Variants in HSPA12A observed in about 807,000 individuals in gnomAD.
HSPA12A encodes heat shock 70 kDa protein 12A.
In HSPA12A, 28 loss-of-function variants were observed where a neutral mutation model predicts 69.2. The ratio of observed to expected loss-of-function variants is 0.40; its 90% CI spans 0.30 to 0.55. HSPA12A has a LOEUF of 0.55. HSPA12A is among the 20% of genes least tolerant of loss of function. The pLI is 0.38. For missense variants in HSPA12A, 686 were observed against 900.7 expected (o/e 0.76, Z 3.05); for synonymous variants, 345 against 370.5 (o/e 0.93, Z 0.79).
At chr10:116,713,031 C>G (rs1850489613) in intron 1 of HSPA12A, among the ~76,000 whole-genome samples, 1 of 88,466 alleles carries the variant, frequency 1.1e-5, no homozygotes. Flanking sequence ...TTTTTCCCTG[C>G]TGGCTGTCAG....
At chr10:116,765,918 G>A (rs902939041) in intron 2 of HSPA12A, among the ~76,000 whole-genome samples, 3 of 152,130 alleles carry the variant, frequency 2.0e-5, no homozygotes, top group Non-Finnish European at 4.4e-5. Context: ...TTTCCTCTTT[G>A]CAACCTGGTA....
chr10:116,792,485 A>T (rs1177556485), intron 2 of HSPA12A, among the ~76,000 whole-genome samples: 1 of 151,946 alleles, frequency 6.6e-6, no homozygotes, highest in African/African-American at 2.4e-5. Context: ...AGAAAAAATA[A>T]AAATAAATCA....
In HSPA12A at chr10:116,706,196, C is replaced by CT. The variant is rs5788187; in HGVS notation, c.127-919dup. Among the ~76,000 whole-genome samples the CT allele has an allele frequency of 1.2e-3, 180 of 146,426 alleles. 1 individual carries two copies. The East Asian group carries it at 0.024, about 20-fold the overall frequency. Reference sequence around the variant, plus strand: ...AGGCGTGAGCCACCACGCCTGGCCTCTTTTTTTTTTTTTAAGCAGTTTACA... The same window carrying CT: ...AGGCGTGAGCCACCACGCCTGGCCTCTTTTTTTTTTTTTTAAGCAGTTTACA... On this transcript the variant is annotated intron_variant, in intron 2 of 11. Coordinates refer to ENST00000369209, the MANE Select transcript of HSPA12A (RefSeq NM_025015.3).
At chr10:116,678,942 T>C (rs1849321323) in intron 10 of HSPA12A, among the ~76,000 whole-genome samples, 1 of 152,180 alleles carries the variant, frequency 6.6e-6, no homozygotes, top group Non-Finnish European at 1.5e-5. Context: ...GGATATTATA[T>C]ATATAAATTT....
intron 1 of HSPA12A, among the ~76,000 whole-genome samples, chr10:116,725,531 G>T (rs1412071662): frequency 6.6e-6 from 1 of 152,168 alleles, no homozygotes; most frequent in Non-Finnish European, 1.5e-5. Flanking sequence ...GGGGCACCAG[G>T]AATTGTATGC....
At chr10:116,836,136 G>C (rs1036965826) in intron 1 of HSPA12A, among the ~76,000 whole-genome samples, 1 of 152,128 alleles carries the variant, frequency 6.6e-6, no homozygotes, top group Admixed American at 6.5e-5. Flanking sequence ...GTCTGTTTTT[G>C]ACCCCTTTTC....
At chr10:116,800,173 A>G (rs533561983) in intron 2 of HSPA12A, among the ~76,000 whole-genome samples, 1 of 152,328 alleles carries the variant, frequency 6.6e-6, no homozygotes, top group Admixed American at 6.5e-5. Context: ...GGTGAAAGCT[A>G]TGGATGGCTC....
chr10:116,816,931 A>G (rs1845317552), intron 2 of HSPA12A, among the ~76,000 whole-genome samples: 1 of 152,212 alleles, frequency 6.6e-6, no homozygotes, highest in Admixed American at 6.5e-5. Context: ...TAAAACAATC[A>G]GCAGCTCCAG....
intron 1 of HSPA12A, among the ~76,000 whole-genome samples, chr10:116,835,986 GA>G (rs1179728627): frequency 6.6e-6 from 1 of 152,126 alleles, no homozygotes; most frequent in Non-Finnish European, 1.5e-5. Flanking sequence ...AGTAAATGGG[GA>G]AAGAGAAAAC....
chr10:116,675,231 C>CGCGGT lies in HSPA12A; in HGVS notation c.1577_1578insACCGC (p.Val527ProfsTer15). On this transcript the variant is annotated frameshift_variant, in exon 12 of 12. Transcript: ENST00000369209. LOFTEE classifies it high-confidence loss of function. The surrounding 1 kb of genome is among the most constrained non-coding windows in gnomAD (Gnocchi z 5.2). Reference sequence around the variant, plus strand: ...GCGGCGACCGGCGCACCTTGATGACCGCGGGGTCCAGGCCAAAGAGGACGG... The same window carrying CGCGGT: ...GCGGCGACCGGCGCACCTTGATGACCGCGGTGCGGGGTCCAGGCCAAAGAGGACGG... 6.2e-7 allele frequency: 1 copy of CGCGGT among 1,613,686 alleles called. No individual in the cohort carries two copies. The highest frequency in any genetic ancestry group is 8.5e-7 in the Non-Finnish European group (1 of 1,180,034).
chr10:116,674,820 C>A lies in HSPA12A; in HGVS notation c.1989G>T (p.Ser663=), dbSNP rs1324344813. The A allele has an allele frequency of 1.2e-6, 2 of 1,611,832 alleles. No homozygotes were observed. The highest frequency in any genetic ancestry group is 1.7e-6 in the Non-Finnish European group (2 of 1,179,050). The change falls in exon 12 of 12, where the codon TCG becomes TCT. Residue 663 remains serine, a synonymous_variant. Coordinates refer to ENST00000369209, the MANE Select transcript of HSPA12A (RefSeq NM_025015.3). ...AGTCGATCCCAACTTTGACACTCTT[C>A]GAAGTGGCTATATCAATGGCTGTGG... The part of the protein sequence containing the change: ...IKATAIDIAT[S]KSVKVGIDFL...
At chr10:116,789,485 T>C (rs1361531435) in intron 2 of HSPA12A, among the ~76,000 whole-genome samples, 1 of 152,128 alleles carries the variant, frequency 6.6e-6, no homozygotes, top group African/African-American at 2.4e-5. Flanking sequence ...TTTTTAAAAA[T>C]ATTATCCTCT....
chr10:116,833,269 C>T (rs549290430), intron 2 of HSPA12A: 1 of 152,350 alleles, frequency 6.6e-6, no homozygotes, highest in East Asian at 1.9e-4. Flanking sequence ...GTACCGTCAT[C>T]CCTGCAGGAA....
chr10:116,797,624 G>C (rs1320489649), intron 2 of HSPA12A, among the ~76,000 whole-genome samples: 1 of 152,210 alleles, frequency 6.6e-6, no homozygotes, highest in Non-Finnish European at 1.5e-5. Context: ...ATAAGCTGTT[G>C]AGTAGAAGAA....
chr10:116,818,836 A>G (rs1274496043), intron 2 of HSPA12A, among the ~76,000 whole-genome samples: 1 of 152,208 alleles, frequency 6.6e-6, no homozygotes, highest in Non-Finnish European at 1.5e-5. Context: ...AAGAATTTTA[A>G]ATAAAAGGAA....
rs550412928 is a variant in HSPA12A, at chr10:116,784,236, C to T, written c.91+50699G>A. Among the ~76,000 whole-genome samples the T allele has an allele frequency of 3.3e-5, 5 of 152,342 alleles. No homozygotes were observed. In the South Asian group the frequency reaches 1.0e-3, roughly 32 times the overall value. ...TTGTGGCTAGGCTGGGGCCTTGTGA[C>T]TTGCTCTGGCCAATGGGCAGTGGCT... On this transcript the variant is annotated intron_variant, in intron 2 of 12. Coordinates refer to the HSPA12A transcript ENST00000635765.
rs1554882604 is a variant in HSPA12A, at chr10:116,707,281, C to T, written c.45G>A (p.Thr15=). The change falls in exon 2 of 12, where the codon ACG becomes ACA. Residue 15 remains threonine, a synonymous_variant. Transcript: ENST00000369209. The part of the protein sequence containing the change: ...EAGGSDGPRE[T]APTSAYSSPA... ...GAGATGAATATGCAGATGTGGGAGCCGTTTCTGAAAGGAAAAACAAAGCCG... is the reference window on the plus strand; with the variant it reads ...GAGATGAATATGCAGATGTGGGAGCTGTTTCTGAAAGGAAAAACAAAGCCG... 5.0e-6 allele frequency: 8 copies of T among 1,611,254 alleles called. No individual in the cohort carries two copies. The highest frequency in any genetic ancestry group is 1.1e-5 in the South Asian group (1 of 90,170).
intron 2 of HSPA12A, among the ~76,000 whole-genome samples, chr10:116,834,315 A>G (rs1845671918): frequency 6.6e-6 from 1 of 152,174 alleles, no homozygotes; most frequent in South Asian, 2.1e-4. Context: ...ATTAGTTAAC[A>G]TGTTTTAAAA....
chr10:116,840,755 T>C (rs1473670885), intron 1 of HSPA12A, among the ~76,000 whole-genome samples: 1 of 152,188 alleles, frequency 6.6e-6, no homozygotes, highest in Non-Finnish European at 1.5e-5. Flanking sequence ...TGTTTCACTG[T>C]CTTCTCCATT....
Sources: allele counts gnomAD v4.1 joint callset (sites outside exome capture counted in the v4.1 genomes callset), GRCh38; gene constraint gnomAD v4.1.1; non-coding constraint Gnocchi (gnomAD v3.1); transcripts MANE v1.5; gene names NCBI Gene and HGNC (gene_info 2026-07-23, HGNC 2026-07-21).